Variants in PDE4B observed in about 807,000 individuals in gnomAD.
PDE4B encodes the protein 3',5'-cyclic-AMP phosphodiesterase 4B.
A neutral mutation model predicts 82.2 loss-of-function variants in PDE4B; 20 were observed. That is an observed-to-expected ratio of 0.24 (90% CI 0.17 to 0.35). The LOEUF (loss-of-function observed/expected upper bound fraction) is 0.35. PDE4B is among the 10% of genes least tolerant of loss of function. The pLI is 1.00. For synonymous variants in PDE4B, 320 were observed against 318.9 expected (o/e 1.00, Z -0.04); for missense variants, 655 against 907.2 (o/e 0.72, Z 3.57).
intron 3 of PDE4B, among the ~76,000 whole-genome samples, chr1:66,142,320 G>T (rs1646189118): frequency 6.6e-6 from 1 of 152,136 alleles, no homozygotes; most frequent in Admixed American, 6.5e-5. Flanking sequence ...AAAGTCAACA[G>T]TAGTGCTAAA....
At chr1:66,188,088 A>T (rs968932555) in intron 3 of PDE4B, among the ~76,000 whole-genome samples, 1 of 150,456 alleles carries the variant, frequency 6.6e-6, no homozygotes, top group Non-Finnish European at 1.5e-5. Context: ...TCATTTTGTT[A>T]TGTACCCAGT....
At chr1:66,093,190 T>G (rs1645056944) in intron 3 of PDE4B, among the ~76,000 whole-genome samples, 1 of 151,970 alleles carries the variant, frequency 6.6e-6, no homozygotes, top group African/African-American at 2.4e-5. Flanking sequence ...GCAGTGTCAA[T>G]TATCCAGGCA....
At chr1:66,242,587 T>C (rs560132940) in intron 3 of PDE4B, among the ~76,000 whole-genome samples, 2 of 152,334 alleles carry the variant, frequency 1.3e-5, no homozygotes, top group Admixed American at 1.3e-4. Flanking sequence ...AATTGGAGTT[T>C]GTGCAAGTAA....
intron 3 of PDE4B, among the ~76,000 whole-genome samples, chr1:66,003,369 C>A (rs1651973125): frequency 6.6e-6 from 1 of 151,698 alleles, no homozygotes; most frequent in South Asian, 2.1e-4. Flanking sequence ...AAACATTTAT[C>A]ATCTTCACTC....
intron 3 of PDE4B, among the ~76,000 whole-genome samples, chr1:66,229,236 C>T (rs1349485730): frequency 1.3e-5 from 2 of 151,680 alleles, no homozygotes; most frequent in African/African-American, 2.4e-5. Flanking sequence ...GTCTTGATCT[C>T]CTGACCTCGT....
At chr1:66,355,662 T>A (rs1662178339) in intron 9 of PDE4B, 42 bp downstream of exon 9, 1 of 1,200,938 alleles carries the variant, frequency 8.3e-7, no homozygotes, top group Admixed American at 1.8e-5. Context: ...TAACTGGGGT[T>A]TTCAGAATTA....
In PDE4B at chr1:66,247,533, G is replaced by T. The variant is rs1257837118; in HGVS notation, c.355G>T (p.Val119Leu). ...CCAGGCCAGCTCTTCCGCTGGGCTG[G>T]TACTTCACGCCACCTTTCCTGGGCA... ...DPQASSSAGLVLHATFPGHSQ... is the reference protein window; with the variant it reads ...DPQASSSAGLLLHATFPGHSQ... Residue 119 changes from valine to leucine, a missense_variant, in exon 4 of 17, where the codon GTA becomes TTA. By Grantham distance (32) the Val-to-Leu change is conservative. Coordinates refer to ENST00000341517, the MANE Select transcript of PDE4B (RefSeq NM_002600.4). The T allele has an allele frequency of 1.2e-6, 2 of 1,612,934 alleles. No homozygotes were observed. The highest frequency in any genetic ancestry group is 1.7e-6 in the Non-Finnish European group (2 of 1,179,434).
rs145805377 is a variant in PDE4B at position 65,918,037 on chromosome 1, G to C, written c.43-560G>C. On this transcript the variant is annotated intron_variant, in intron 2 of 16. Coordinates refer to ENST00000341517, the MANE Select transcript of PDE4B (RefSeq NM_002600.4). ...AAATTAGCCGGGCGTTGTGGTGTGTGCCTGTAGTCCTAGCTACTTGGGAGG... is the reference window on the plus strand; with the variant it reads ...AAATTAGCCGGGCGTTGTGGTGTGTCCCTGTAGTCCTAGCTACTTGGGAGG... Among the ~76,000 whole-genome samples the C allele has an allele frequency of 2.0e-3, 310 of 152,240 alleles. 1 individual carries two copies. The highest frequency in any genetic ancestry group is 4.0e-3 in the Non-Finnish European group (269 of 68,010).
chr1:66,282,372 G>T (rs1656362111), intron 7 of PDE4B, among the ~76,000 whole-genome samples: 1 of 152,150 alleles, frequency 6.6e-6, no homozygotes, highest in African/African-American at 2.4e-5. Flanking sequence ...GAATTTTTAG[G>T]ACGTAACAGA....
chr1:65,884,966 T>C (rs1646754896), intron 1 of PDE4B, among the ~76,000 whole-genome samples: 4 of 152,046 alleles, frequency 2.6e-5, no homozygotes, highest in Non-Finnish European at 5.9e-5. Context: ...ACTCATCTAA[T>C]AAAGGGCTAA....
intron 7 of PDE4B, among the ~76,000 whole-genome samples, chr1:66,279,108 T>A (rs1262147075): frequency 6.6e-6 from 1 of 152,160 alleles, no homozygotes; most frequent in Non-Finnish European, 1.5e-5. Flanking sequence ...ATTTTCCATA[T>A]AGGCCCCTTA....
chr1:65,883,051 T>TA (rs1457132739), intron 1 of PDE4B, among the ~76,000 whole-genome samples: 1 of 152,198 alleles, frequency 6.6e-6, no homozygotes, highest in African/African-American at 2.4e-5. Flanking sequence ...TGCCCACCTT[T>TA]AAAATATGAC....
At chr1:66,228,348 G>C (rs768730241) in intron 3 of PDE4B, among the ~76,000 whole-genome samples, 6 of 152,164 alleles carry the variant, frequency 3.9e-5, no homozygotes, top group Non-Finnish European at 7.3e-5. Context: ...CATTAGGGTT[G>C]TCTCTAGCTG....
chr1:66,094,255 G>A (rs1444077723), intron 3 of PDE4B, among the ~76,000 whole-genome samples: 1 of 151,966 alleles, frequency 6.6e-6, no homozygotes, highest in African/African-American at 2.4e-5. Context: ...GTAGGTTGGA[G>A]AAATGACTGC....
intron 3 of PDE4B, among the ~76,000 whole-genome samples, chr1:66,189,721 G>T (rs1647573554): frequency 6.6e-6 from 1 of 151,964 alleles, no homozygotes; most frequent in African/African-American, 2.4e-5. Context: ...GGTTATTCTA[G>T]TTGGCCATTC....
chr1:66,054,894 A>G (rs1655219266), intron 3 of PDE4B, among the ~76,000 whole-genome samples: 1 of 152,150 alleles, frequency 6.6e-6, no homozygotes, highest in Non-Finnish European at 1.5e-5. Context: ...CTTCAGTTTC[A>G]TGACATCTTC....
intron 13 of PDE4B, among the ~76,000 whole-genome samples, chr1:66,366,500 A>G (rs1663260511): frequency 6.6e-6 from 1 of 152,232 alleles, no homozygotes; most frequent in African/African-American, 2.4e-5. Context: ...TGTAGTCATG[A>G]ATAACATCAA....
At chr1:66,112,498 C>T (rs939920691) in intron 3 of PDE4B, among the ~76,000 whole-genome samples, 2 of 151,948 alleles carry the variant, frequency 1.3e-5, no homozygotes, top group African/African-American at 4.8e-5. Flanking sequence ...GGTCAGTAGC[C>T]GAAAGAAGAT....
chr1:66,341,201 C>T (rs148963424), intron 8 of PDE4B, among the ~76,000 whole-genome samples: 56 of 152,302 alleles, frequency 3.7e-4, no homozygotes, highest in African/African-American at 1.3e-3. Flanking sequence ...AAATATAGAG[C>T]ACATTCTAAA....
Sources: allele counts gnomAD v4.1 joint callset (sites outside exome capture counted in the v4.1 genomes callset), GRCh38; gene constraint gnomAD v4.1.1; transcripts MANE v1.5; gene names NCBI Gene and HGNC (gene_info 2026-07-23, HGNC 2026-07-21).